The following KIAA1614 variants were observed in gnomAD, a reference collection of about 807,000 sequenced individuals.
KIAA1614 encodes uncharacterized protein KIAA1614.
KIAA1614 carries 76 observed loss-of-function variants against 88.7 expected under a neutral mutation model. The ratio of observed to expected loss-of-function variants is 0.86; its 90% CI spans 0.71 to 1.04. KIAA1614 has a LOEUF of 1.04. Ranked by LOEUF, KIAA1614 falls within the 50% of genes least tolerant of loss-of-function variation. The pLI, the probability that KIAA1614 is intolerant of heterozygous loss-of-function variation, is 0.00. For missense variants in KIAA1614, 1,553 were observed against 1,582.5 expected (o/e 0.98, Z 0.32); for synonymous variants, 714 against 675.5 (o/e 1.06, Z -0.88).
At chr1:180,944,677 C>T (rs1481598717) in intron 8 of KIAA1614, 161 bp downstream of exon 8, 1 of 695,578 alleles carries the variant, frequency 1.4e-6, no homozygotes, top group Non-Finnish European at 2.3e-6. Flanking sequence ...CCACGGGAGT[C>T]TCAGCACCTC....
chr1:180,931,529 G>A (rs535585033), intron 4 of KIAA1614, among the ~76,000 whole-genome samples: 5 of 152,260 alleles, frequency 3.3e-5, no homozygotes, highest in Non-Finnish European at 7.3e-5. Context: ...TGCCTCATTC[G>A]TCCTGCACTT....
In KIAA1614 at chr1:180,948,910, G is replaced by A. The variant is rs922821983; in HGVS notation, c.*3322G>A. On this transcript the variant is annotated 3_prime_UTR_variant, in exon 9 of 9. Coordinates refer to ENST00000367588, the MANE Select transcript of KIAA1614 (RefSeq NM_020950.2). ...AGAGCCACAGACTTTCAGGTACTTC[G>A]GTGAAGATCAGTGCTCTTTCAAACC... The A allele has an allele frequency of 2.6e-5, 4 of 152,200 alleles. No homozygotes were observed. The highest frequency in any genetic ancestry group is 1.9e-4 in the East Asian group (1 of 5,196). The allele number at this position is 152,200 out of a possible 1,614,324, so 9.4% of individuals were successfully genotyped here.
At chr1:180,928,774 G>A (rs868338637) in intron 4 of KIAA1614, among the ~76,000 whole-genome samples, 1 of 151,286 alleles carries the variant, frequency 6.6e-6, no homozygotes, top group Admixed American at 6.6e-5. Flanking sequence ...CAGGCACTGA[G>A]ATACAAAGAT....
At chr1:180,928,596 T>C in intron 4 of KIAA1614, 23 bp downstream of exon 4, 5 of 1,605,560 alleles carry the variant, frequency 3.1e-6, no homozygotes, top group Non-Finnish European at 4.3e-6. Context: ...TGGGCCAGGC[T>C]AGCCTGGGAG....
chr1:180,946,529 G>A lies in KIAA1614; in HGVS notation c.*941G>A, dbSNP rs764167573. 1 of 152,264 alleles carries A rather than the reference G, an allele frequency of 6.6e-6. No homozygotes were observed. The highest frequency in any genetic ancestry group is 1.5e-5 in the Non-Finnish European group (1 of 68,060). 9.4% of individuals were successfully genotyped at this position (152,264 alleles called of 1,614,324 possible). ...GTCTGTGGTCCAGAATGCATCTCAA[G>A]GGCCCATAAAAGACATTCCCCAGAG... On this transcript the variant is annotated 3_prime_UTR_variant, in exon 9 of 9. Coordinates refer to ENST00000367588, the MANE Select transcript of KIAA1614 (RefSeq NM_020950.2).
rs769300103 is a variant in KIAA1614, at chr1:180,944,457, G to A, written c.3228G>A (p.Lys1076=). 1 of 1,614,042 alleles carries A rather than the reference G, an allele frequency of 6.2e-7. No individual in the cohort carries two copies. Among genetic ancestry groups the A allele is most frequent in the South Asian group, 1.1e-5 (1 of 91,078 alleles). ...ACCTCCATTCTCTGCTGAGCAGCAA[G>A]GGGAACCGGTCCAGCCTCTACCTGG... is the stretch of plus-strand genomic sequence containing the variant. The part of the protein sequence containing the change: ...FQNLHSLLSS[K]GNRSSLYLVA... Residue 1076 remains lysine (K), a synonymous_variant, in exon 8 of 9, where the codon AAG becomes AAA. Transcript: ENST00000367588.
Position 180,950,517 on chromosome 1 carries a change from G to A in KIAA1614, c.*4929G>A, listed in dbSNP as rs1309322939. 1 of 1,124,046 alleles carries A rather than the reference G, an allele frequency of 8.9e-7. No homozygotes were observed. The highest frequency in any genetic ancestry group is 1.8e-5 in the South Asian group (1 of 54,750). The allele number at this position is 1,124,046 out of a possible 1,614,324, so 69.6% of individuals were successfully genotyped here. On this transcript the variant is annotated 3_prime_UTR_variant, in exon 9 of 9. Coordinates refer to ENST00000367588, the MANE Select transcript of KIAA1614 (RefSeq NM_020950.2). Reference sequence around the variant, plus strand: ...TTGTCAATCCGTGTCCTGAGGCAGAGACCTGTCCCACGGTGACCCAGAAGT... The same window carrying A: ...TTGTCAATCCGTGTCCTGAGGCAGAAACCTGTCCCACGGTGACCCAGAAGT...
chr1:180,928,387 C>T, intron 3 of KIAA1614, 43 bp from the exon 4 acceptor site: 1 of 1,483,460 alleles, frequency 6.7e-7, no homozygotes, highest in Non-Finnish European at 9.0e-7. Flanking sequence ...TTATTTTCCT[C>T]TAATCCCTCC....
At chr1:180,920,264 C>T (rs1653924615) in intron 3 of KIAA1614, among the ~76,000 whole-genome samples, 1 of 152,242 alleles carries the variant, frequency 6.6e-6, no homozygotes, top group South Asian at 2.1e-4. Context: ...ATTGATGTTA[C>T]TTCTGTATCA....
At chr1:180,941,415 T>G in intron 7 of KIAA1614, 130 bp downstream of exon 7, 1 of 1,132,248 alleles carries the variant, frequency 8.8e-7, no homozygotes, top group Non-Finnish European at 1.2e-6. Context: ...AGACGGAAGC[T>G]GCTGGCATCC....
Position 180,916,901 on chromosome 1 carries a change from C to T in KIAA1614, c.798C>T (p.Val266=), listed in dbSNP as rs371479908. The T allele has an allele frequency of 6.2e-6, 10 of 1,614,114 alleles. No individual in the cohort carries two copies. The African/African-American group carries it at 1.1e-4, about 17-fold the overall frequency. Reference sequence around the variant, plus strand: ...CCCTGACCTCCGAGGAGGTCTTTGTCCCCAGGACGGCCCTGCTGGGTGAGC... The same window carrying T: ...CCCTGACCTCCGAGGAGGTCTTTGTTCCCAGGACGGCCCTGCTGGGTGAGC... The part of the protein sequence containing the change: ...STSLTSEEVF[V]PRTALLGERW... Residue 266 remains valine (V), a synonymous_variant, in exon 2 of 9, where the codon GTC becomes GTT. Coordinates refer to ENST00000367588, the MANE Select transcript of KIAA1614 (RefSeq NM_020950.2).
At chr1:180,922,041 C>G (rs534870197) in intron 3 of KIAA1614, among the ~76,000 whole-genome samples, 2 of 152,258 alleles carry the variant, frequency 1.3e-5, no homozygotes, top group African/African-American at 4.8e-5. Context: ...AAATCCACTT[C>G]GGAGGCTCAG....
Position 180,916,217 on chromosome 1 carries a change from T to G in KIAA1614, c.114T>G (p.Ser38Arg). The change falls in exon 2 of 9, where the codon AGT (serine) becomes AGG (arginine). Residue 38 changes from serine to arginine, a missense_variant. Transcript: ENST00000367588. ...AGGGGACCTCAGCTGTGGAGTGGAGTGGTCCTGAGCCACAGCTGGATAACG... is the reference window on the plus strand; with the variant it reads ...AGGGGACCTCAGCTGTGGAGTGGAGGGGTCCTGAGCCACAGCTGGATAACG... ...PVEGTSAVEW[S>R]GPEPQLDNGH... 1.2e-6 allele frequency: 2 copies of G among 1,608,436 alleles called. No homozygotes were observed. The highest frequency in any genetic ancestry group is 2.2e-5 in the South Asian group (2 of 90,522).
chr1:180,935,903 C>T lies in KIAA1614; in HGVS notation c.1994C>T (p.Ala665Val), dbSNP rs372096628. The stretch of plus-strand genomic sequence containing the variant: ...CACAGGTGGTCCAAGAAGGCTGAGG[C>T]GGAGCTCCCTTGGGGCCTTCAGGCC... ...RGHRWSKKAE[A>V]ELPWGLQAQQ... Residue 665 changes from alanine to valine, a missense_variant, in exon 5 of 9, where the codon GCG becomes GTG. Physicochemically the swap from Ala to Val is moderately conservative, Grantham distance 64. Coordinates refer to ENST00000367588, the MANE Select transcript of KIAA1614 (RefSeq NM_020950.2). The surrounding 1 kb of genome is among the most constrained non-coding windows in gnomAD (Gnocchi z 6.1). 7 of 1,613,920 alleles carry T rather than the reference C, an allele frequency of 4.3e-6. No individual in the cohort carries two copies. The highest frequency in any genetic ancestry group is 3.3e-5 in the Admixed American group (2 of 60,024).
rs556890649 is a variant in KIAA1614, at chr1:180,935,014, G to T, written c.1206-101G>T. On this transcript the variant is annotated intron_variant, in intron 4 of 8. Transcript: ENST00000367588. This position sits in a 1 kb window ranked among gnomAD's most constrained non-coding sequence, Gnocchi z 6.1. ...GTGGGTTGCGGTTGCCACAGAGCAC[G>T]GTGGGAGACTGTAGCCCAGGGTGGA... 5.0e-5 allele frequency: 43 copies of T among 861,034 alleles called. No individual in the cohort carries two copies. In the South Asian group the frequency reaches 2.2e-3, roughly 44 times the overall value. The allele number at this position is 861,034 out of a possible 1,614,324, so 53.3% of individuals were successfully genotyped here.
Position 180,935,741 on chromosome 1 carries a change from C to T in KIAA1614, c.1832C>T (p.Ala611Val). The change falls in exon 5 of 9, where the codon GCC becomes GTC. Residue 611 changes from alanine to valine, a missense_variant. Transcript: ENST00000367588. The surrounding 1 kb of genome is among the most constrained non-coding windows in gnomAD (Gnocchi z 6.1). ...DTVCPAEVDS[A>V]LDSTDNSDNC... ...GTGTGCCCTGCGGAGGTGGACTCTG[C>T]CCTGGACAGCACAGACAACTCTGAC... 1 of 1,613,846 alleles carries T rather than the reference C, an allele frequency of 6.2e-7. No individual in the cohort carries two copies. Among genetic ancestry groups the T allele is most frequent in the Non-Finnish European group, 8.5e-7 (1 of 1,179,956 alleles).
chr1:180,943,063 G>C (rs1654507023), intron 7 of KIAA1614, among the ~76,000 whole-genome samples: 1 of 148,202 alleles, frequency 6.7e-6, no homozygotes. Flanking sequence ...GTCTCACTCT[G>C]TCACCCAGGC....
chr1:180,913,734 T>A lies in KIAA1614; in HGVS notation c.50+441T>A, dbSNP rs116195910. ...CGACCTCCCGGGCTCAAGCCCGGCC[T>A]CCTCTGGCTTCAGCCTCCCCAAAAA... On this transcript the variant is annotated intron_variant, in intron 1 of 8. Transcript: ENST00000367588. 1,465 of 154,826 alleles carry A rather than the reference T, an allele frequency of 9.5e-3. 23 individuals carry two copies. Among genetic ancestry groups the A allele is most frequent in the African/African-American group, 0.033 (1,374 of 41,668 alleles). The allele number at this position is 154,826 out of a possible 1,614,324, so 9.6% of individuals were successfully genotyped here. A position where few individuals can be genotyped will look rare whatever the true frequency, so the allele number is the denominator to read the frequency against.
Position 180,941,077 on chromosome 1 carries a change from C to A in KIAA1614, c.2951C>A (p.Ser984Tyr). 1 of 1,610,822 alleles carries A rather than the reference C, an allele frequency of 6.2e-7. No individual in the cohort carries two copies. The highest frequency in any genetic ancestry group is 8.5e-7 in the Non-Finnish European group (1 of 1,178,872). Residue 984 changes from serine (S) to tyrosine (Y), a missense_variant, in exon 7 of 9, where the codon TCC (serine) becomes TAC (tyrosine). Transcript: ENST00000367588. ...ASAGAGTGPG[S>Y]PSAAPLDQNK... ...GCAGGAGCTGGCACAGGACCCGGCTCCCCCTCGGCTGCCCCTTTGGACCAG... is the reference window on the plus strand; with the variant it reads ...GCAGGAGCTGGCACAGGACCCGGCTACCCCTCGGCTGCCCCTTTGGACCAG...
Sources: gnomAD v4.1 joint callset for allele counts (sites outside exome capture counted in the v4.1 genomes callset) on GRCh38, gnomAD v4.1.1 for gene constraint, Gnocchi (gnomAD v3.1) non-coding constraint, MANE v1.5 for transcripts, NCBI Gene and HGNC (gene_info 2026-07-23, HGNC 2026-07-21) for gene names.